The following GRPEL1 variants were observed in gnomAD, a reference collection of about 807,000 sequenced individuals.
GRPEL1 encodes grpE protein homolog 1, mitochondrial.
Under a neutral mutation model 22.1 loss-of-function variants are expected in GRPEL1, and 13 were observed. That is an observed-to-expected ratio of 0.59 (90% CI 0.38 to 0.94). GRPEL1 has a LOEUF of 0.94. Ranked by LOEUF, GRPEL1 falls within the 40% of genes least tolerant of loss-of-function variation. GRPEL1 has a pLI of 0.00. For synonymous variants in GRPEL1, 109 were observed against 105.3 expected, an observed-to-expected ratio of 1.03 and a Z score of -0.21; for missense variants, 289 against 264.6, an observed-to-expected ratio of 1.09 and a Z score of -0.64.
At chr4:7,065,595 C>G (rs1724147430) in intron 1 of GRPEL1, among the ~76,000 whole-genome samples, 1 of 151,330 alleles carries the variant, frequency 6.6e-6, no homozygotes. Flanking sequence ...AAGGAGATAC[C>G]TAGCTTGGGG....
rs762626800 is a variant in GRPEL1, at chr4:7,061,018, G to T, written c.498C>A (p.Val166=). Residue 166 remains valine, a synonymous_variant, in exon 4 of 4, where the codon GTC becomes GTA. Transcript: ENST00000264954. ...GTTCATAAGGGTCGAACTTGGCTCCGACAGGGTTCAACTTGAGCAAGCCAT... is the reference window on the plus strand; with the variant it reads ...GTTCATAAGGGTCGAACTTGGCTCCTACAGGGTTCAACTTGAGCAAGCCAT... ...TKHGLLKLNP[V]GAKFDPYEHE... 4 of 1,614,084 alleles carry T rather than the reference G, an allele frequency of 2.5e-6. 1 individual carries two copies. The South Asian group carries it at 4.4e-5, about 18-fold the overall frequency.
At position 7,064,123 on chromosome 4, in the gene GRPEL1, C is replaced by T. The variant is rs752297045; in HGVS notation, c.163G>A (p.Ala55Thr). ...TCTTCCAGGAGGGTCTTCTCTGTAGCAGGAGGATCTGCCTTCTGTTCACTC... is the reference window on the plus strand; with the variant it reads ...TCTTCCAGGAGGGTCTTCTCTGTAGTAGGAGGATCTGCCTTCTGTTCACTC... The part of the protein sequence containing the change: ...GQSEQKADPP[A>T]TEKTLLEEKV... The change falls in exon 2 of 4, where the codon GCT becomes ACT. Residue 55 changes from alanine to threonine, a missense_variant. Ala to Thr is a moderately conservative substitution (Grantham distance 58, BLOSUM62 0). Transcript: ENST00000264954. The T allele has an allele frequency of 3.7e-6, 6 of 1,614,100 alleles. No individual in the cohort carries two copies. Among genetic ancestry groups the T allele is most frequent in the African/African-American group, 1.3e-5 (1 of 74,924 alleles).
At chr4:7,064,953 CCTGT>C (rs965858058) in intron 1 of GRPEL1, among the ~76,000 whole-genome samples, 29 of 152,304 alleles carry the variant, frequency 1.9e-4, no homozygotes, top group African/African-American at 6.0e-4. Flanking sequence ...AGCCACTGTG[CCTGT>C]CTTTTTTATA....
chr4:7,066,825 C>G (rs1026972359), intron 1 of GRPEL1, among the ~76,000 whole-genome samples: 4 of 152,212 alleles, frequency 2.6e-5, no homozygotes, highest in African/African-American at 7.2e-5. Context: ...AGAGCTATGA[C>G]TACCAGTCAG....
chr4:7,065,775 T>C (rs1379278639), intron 1 of GRPEL1, among the ~76,000 whole-genome samples: 1 of 151,740 alleles, frequency 6.6e-6, no homozygotes, highest in African/African-American at 2.4e-5. Context: ...GACCAAGTGA[T>C]AAGCCCAGGT....
In GRPEL1 at chr4:7,060,918, T is replaced by C. The variant is rs1724027051; in HGVS notation, c.598A>G (p.Lys200Glu). The C allele has an allele frequency of 6.2e-7, 1 of 1,614,082 alleles. No individual in the cohort carries two copies. Among genetic ancestry groups the C allele is most frequent in the African/African-American group, 1.3e-5 (1 of 74,930 alleles). The change falls in exon 4 of 4, where the codon AAG (lysine) becomes GAG (glutamate). Residue 200 changes from lysine to glutamate, a missense_variant. By Grantham distance (56) the Lys-to-Glu change is moderately conservative. Coordinates refer to ENST00000264954, the MANE Select transcript of GRPEL1 (RefSeq NM_025196.4). ...TVALVSKVGYKLHGRTLRPAL... is the reference protein window; with the variant it reads ...TVALVSKVGYELHGRTLRPAL... The stretch of plus-strand genomic sequence containing the variant: ...GGTCTCAGAGTGCGCCCATGCAGCT[T>C]GTACCCCACTTTGCTAACTAGGGCC...
intron 1 of GRPEL1, among the ~76,000 whole-genome samples, chr4:7,066,570 G>T (rs1724174157): frequency 6.6e-6 from 1 of 152,218 alleles, no homozygotes; most frequent in Non-Finnish European, 1.5e-5. Context: ...TTTTACTCTT[G>T]TGAATTTAAA....
At chr4:7,065,514 CA>C (rs1162770768) in intron 1 of GRPEL1, among the ~76,000 whole-genome samples, 2,253 of 91,944 alleles carry the variant, frequency 0.025, 53 homozygotes, top group African/African-American at 0.076. Flanking sequence ...AACTCTGTCT[CA>C]AAAAAAAAAA....
intron 1 of GRPEL1, among the ~76,000 whole-genome samples, chr4:7,065,705 T>G (rs1433691281): frequency 6.6e-6 from 1 of 152,036 alleles, no homozygotes; most frequent in Non-Finnish European, 1.5e-5. Context: ...AAGATGAAAC[T>G]GCTTGGACAA....
rs59986387 is a variant in GRPEL1 at position 7,062,490 on chromosome 4, TTATA to T, written c.226-28_226-25del. 91 of 617,344 alleles carry T rather than the reference TTATA, an allele frequency of 1.5e-4. 2 individuals are homozygous for T. The highest frequency in any genetic ancestry group is 6.7e-4 in the African/African-American group (24 of 35,896). 38.2% of individuals were successfully genotyped at this position (617,344 alleles called of 1,614,324 possible). On this transcript the variant is annotated intron_variant, in intron 2 of 3. Transcript: ENST00000264954. ...TCCTAAAAGAGAAAAAAAGGGATAT[TTATA>T]TATATATATATATATATATATCTTT...
rs897978985 is a variant in GRPEL1 at position 7,059,248 on chromosome 4, C to T, written c.*1614G>A. 4 of 152,216 alleles carry T rather than the reference C, an allele frequency of 2.6e-5. No homozygotes were observed. The highest frequency in any genetic ancestry group is 4.4e-5 in the Non-Finnish European group (3 of 68,046). The allele number at this position is 152,216 out of a possible 1,614,324, so 9.4% of individuals were successfully genotyped here. A position where few individuals can be genotyped will look rare whatever the true frequency, so the allele number is the denominator to read the frequency against. On this transcript the variant is annotated 3_prime_UTR_variant, in exon 4 of 4. Coordinates refer to ENST00000264954, the MANE Select transcript of GRPEL1 (RefSeq NM_025196.4). ...ACCAACTTATAGTGACTATGGATGACTGAAGCTTACTGTAAAAAAATATTT... is the reference window on the plus strand; with the variant it reads ...ACCAACTTATAGTGACTATGGATGATTGAAGCTTACTGTAAAAAAATATTT...
chr4:7,063,402 A>C (rs547219007), intron 2 of GRPEL1, among the ~76,000 whole-genome samples: 1 of 152,106 alleles, frequency 6.6e-6, no homozygotes, highest in Non-Finnish European at 1.5e-5. Context: ...TCTCTTTTTA[A>C]CATTTACTAA....
In GRPEL1 at chr4:7,059,717, CTT is replaced by C. The variant is rs1194118761; in HGVS notation, c.*1143_*1144del. On this transcript the variant is annotated 3_prime_UTR_variant, in exon 4 of 4. Transcript: ENST00000264954. ...CAAAGGCAGCGAAAGGTTCTTTTCT[CTT>C]TTTTGTAACAGACGCCAATCATTCA... 6.6e-6 allele frequency: 1 copy of C among 152,236 alleles called. No individual in the cohort carries two copies. The highest frequency in any genetic ancestry group is 1.5e-5 in the Non-Finnish European group (1 of 68,040). The allele number at this position is 152,236 out of a possible 1,614,324, so 9.4% of individuals were successfully genotyped here. A position where few individuals can be genotyped will look rare whatever the true frequency, so the allele number is the denominator to read the frequency against.
chr4:7,064,302 T>A, intron 1 of GRPEL1, 79 bp from the exon 2 acceptor site: 1 of 1,423,594 alleles, frequency 7.0e-7, no homozygotes, highest in Non-Finnish European at 9.5e-7. Flanking sequence ...TTTAGAAACT[T>A]AAAATAGCTT....
intron 3 of GRPEL1, 61 bp from the exon 4 acceptor site, chr4:7,061,269 CTG>C: frequency 7.6e-7 from 1 of 1,319,032 alleles, no homozygotes; most frequent in Admixed American, 2.0e-5. Context: ...CAATTCCAAA[CTG>C]AGCACTGCTG....
rs538770187 is a variant in GRPEL1, at chr4:7,066,260, G to A, written c.62+1711C>T. ...TCAAGGCTGTTTATTGCAGCACTGC[G>A]AGCGACAAGTTGGAAACAATGTTTG... On this transcript the variant is annotated intron_variant, in intron 1 of 3. Coordinates refer to ENST00000264954, the MANE Select transcript of GRPEL1 (RefSeq NM_025196.4). Among the ~76,000 whole-genome samples the A allele has an allele frequency of 4.6e-5, 7 of 152,312 alleles. No homozygotes were observed. The South Asian group carries it at 8.3e-4, about 18-fold the overall frequency.
chr4:7,066,337 C>T (rs1056405726), intron 1 of GRPEL1, among the ~76,000 whole-genome samples: 1 of 152,334 alleles, frequency 6.6e-6, no homozygotes, highest in South Asian at 2.1e-4. Context: ...GAATATTATG[C>T]AGCTCCTAAA....
chr4:7,066,042 G>C (rs2108793318), intron 1 of GRPEL1, among the ~76,000 whole-genome samples: 1 of 152,170 alleles, frequency 6.6e-6, no homozygotes, highest in Non-Finnish European at 1.5e-5. Context: ...TTTTTTAGTA[G>C]AGACGGGGTT....
chr4:7,067,951 G>T lies in GRPEL1; in HGVS notation c.62+20C>A. On this transcript the variant is annotated intron_variant, in intron 1 of 3. Transcript: ENST00000264954. ...AGGTCGCGCTGCCACCTCCACCCAG[G>T]GAGACCAAGTGCCCCTTACCTGAGA... 6.2e-7 allele frequency: 1 copy of T among 1,612,692 alleles called. No homozygotes were observed. The highest frequency in any genetic ancestry group is 8.5e-7 in the Non-Finnish European group (1 of 1,179,572).
Sources: allele counts gnomAD v4.1 joint callset (sites outside exome capture counted in the v4.1 genomes callset), GRCh38; gene constraint gnomAD v4.1.1; transcripts MANE v1.5; gene names NCBI Gene and HGNC (gene_info 2026-07-23, HGNC 2026-07-21).